Variants in RBFOX1 observed in about 807,000 individuals in gnomAD.
RBFOX1 encodes RNA binding fox-1 homolog 1.
A neutral mutation model predicts 57.7 loss-of-function variants in RBFOX1; 8 were observed. The ratio of observed to expected loss-of-function variants is 0.14; its 90% CI spans 0.08 to 0.25. The LOEUF is 0.25. Ranked by LOEUF, RBFOX1 falls within the 10% of genes least tolerant of loss-of-function variation. RBFOX1 has a pLI of 1.00. For synonymous variants in RBFOX1, 326 were observed against 222.4 expected (o/e 1.47, Z -4.15); for missense variants, 611 against 548.5 (o/e 1.11, Z -1.14).
rs572641044 is a variant in RBFOX1, at chr16:6,345,462, C to G, written c.-64+28405C>G. 1.9e-4 allele frequency among the ~76,000 whole-genome samples: 29 copies of G among 152,260 alleles called. No homozygotes were observed. The East Asian group carries it at 4.8e-3, about 25-fold the overall frequency. ...GGCAGTGGTAAACCGACATGGCAGGCTGGTGTGCATGTCTAATGGAAAGCT... is the reference window on the plus strand; with the variant it reads ...GGCAGTGGTAAACCGACATGGCAGGGTGGTGTGCATGTCTAATGGAAAGCT... On this transcript the variant is annotated intron_variant, in intron 2 of 15. Transcript: ENST00000550418.
At chr16:5,936,049 C>G (rs192250860) in intron 4 of RBFOX1, among the ~76,000 whole-genome samples, 2 of 150,746 alleles carry the variant, frequency 1.3e-5, no homozygotes, top group East Asian at 3.9e-4. Flanking sequence ...TTTTTTATGT[C>G]AAGAGTGGAA....
intron 2 of RBFOX1, among the ~76,000 whole-genome samples, chr16:5,522,916 T>A (rs73514120): frequency 0.061 from 9,318 of 152,270 alleles, 958 homozygotes; most frequent in African/African-American, 0.21. Context: ...TGTATCTATA[T>A]CACATTTTCT....
intron 4 of RBFOX1, among the ~76,000 whole-genome samples, chr16:5,868,791 C>T (rs911145488): frequency 3.9e-5 from 6 of 152,108 alleles, no homozygotes; most frequent in Admixed American, 1.3e-4. Context: ...ATTTTGTTTC[C>T]TCATTTTTGG....
chr16:7,291,692 A>G (rs917205562), intron 4 of RBFOX1, among the ~76,000 whole-genome samples: 2 of 151,952 alleles, frequency 1.3e-5, no homozygotes, highest in Non-Finnish European at 2.9e-5. Context: ...GCACTGAGAC[A>G]TGCAGGAGGC....
chr16:7,491,101 G>T (rs1484651280), intron 4 of RBFOX1, among the ~76,000 whole-genome samples: 10 of 152,004 alleles, frequency 6.6e-5, no homozygotes, highest in Admixed American at 5.9e-4. Context: ...CACAAATCTG[G>T]CTCTTAAATA....
intron 1 of RBFOX1, among the ~76,000 whole-genome samples, chr16:5,448,568 G>C (rs997548783): frequency 2.6e-5 from 4 of 152,156 alleles, no homozygotes; most frequent in African/African-American, 9.7e-5. Flanking sequence ...AGGAGACTGG[G>C]GTGAAGACCC....
chr16:5,804,165 A>G (rs771250334), intron 3 of RBFOX1, among the ~76,000 whole-genome samples: 5 of 152,220 alleles, frequency 3.3e-5, no homozygotes, highest in Admixed American at 1.3e-4. Flanking sequence ...GTCCTTCAAG[A>G]GAAGCATATT....
chr16:6,257,028 G>A (rs1457401138), intron 1 of RBFOX1, among the ~76,000 whole-genome samples: 1 of 152,098 alleles, frequency 6.6e-6, no homozygotes, highest in Non-Finnish European at 1.5e-5. Flanking sequence ...AGAATGACTG[G>A]TTGGAGTATT....
intron 2 of RBFOX1, among the ~76,000 whole-genome samples, chr16:6,631,106 G>T (rs1469705565): frequency 6.6e-6 from 1 of 152,116 alleles, no homozygotes; most frequent in Admixed American, 6.6e-5. Context: ...GCAGAGGGAA[G>T]CAGAAAGAAT....
chr16:6,023,130 G>C (rs933280127), intron 1 of RBFOX1, among the ~76,000 whole-genome samples: 4 of 152,080 alleles, frequency 2.6e-5, no homozygotes, highest in African/African-American at 9.7e-5. Context: ...GCTGTCCGTA[G>C]AACGTACAGT....
At position 6,595,630 on chromosome 16, in the gene RBFOX1, C is replaced by G. The variant is rs901005300; in HGVS notation, c.-63-58973C>G. The stretch of plus-strand genomic sequence containing the variant: ...CTATTTTTAACATTTTGAGGAACTT[C>G]CAAACCGTTTTCCAACGTGGGTACC... On this transcript the variant is annotated intron_variant, in intron 2 of 15. Transcript: ENST00000550418. Among the ~76,000 whole-genome samples, 11 of 152,306 alleles carry G rather than the reference C, an allele frequency of 7.2e-5. 1 individual carries two copies. In the South Asian group the frequency reaches 1.0e-3, roughly 14 times the overall value.
Position 5,599,089 on chromosome 16 carries a change from T to A in RBFOX1, c.446T>A (p.Leu149Ter). ...CCTGAAACTGATCTTGCTGGAGAATTAACTGGGTTTGAGGGGAATAAATTT... is the reference window on the plus strand; with the variant it reads ...CCTGAAACTGATCTTGCTGGAGAATAAACTGGGTTTGAGGGGAATAAATTT... The change falls in exon 3 of 3, where the codon TTA (leucine) becomes TAA (stop). Residue 149 changes from leucine (L) to a stop codon, truncating the protein, a stop_gained. Transcript: ENST00000585867. LOFTEE classifies it low-confidence loss of function (END_TRUNC). The A allele has an allele frequency of 1.1e-6, 1 of 913,788 alleles. No homozygotes were observed. Among genetic ancestry groups the A allele is most frequent in the Non-Finnish European group, 1.7e-6 (1 of 578,372 alleles). The allele number at this position is 913,788 out of a possible 1,614,324, so 56.6% of individuals were successfully genotyped here.
At position 7,615,767 on chromosome 16, in the gene RBFOX1, G is replaced by T. The variant is rs995197270; in HGVS notation, c.676+8429G>T. ...GTGTTGTTCACTGCTGACATCTAGTGGGTGGAGGCCAAGGACGCTTCAAAA... is the reference window on the plus strand; with the variant it reads ...GTGTTGTTCACTGCTGACATCTAGTTGGTGGAGGCCAAGGACGCTTCAAAA... On this transcript the variant is annotated intron_variant, in intron 10 of 15. Transcript: ENST00000550418. Among the ~76,000 whole-genome samples, 9 of 152,230 alleles carry T rather than the reference G, an allele frequency of 5.9e-5. No individual in the cohort carries two copies. In the East Asian group the frequency reaches 1.7e-3, roughly 29 times the overall value.
intron 1 of RBFOX1, among the ~76,000 whole-genome samples, chr16:6,110,636 C>T (rs183080731): frequency 6.6e-6 from 1 of 152,298 alleles, no homozygotes; most frequent in East Asian, 1.9e-4. Flanking sequence ...GTGTGAAGGA[C>T]ACTCCACGAG....
intron 4 of RBFOX1, among the ~76,000 whole-genome samples, chr16:7,500,173 C>T (rs895847747): frequency 6.6e-6 from 1 of 152,198 alleles, no homozygotes; most frequent in African/African-American, 2.4e-5. Flanking sequence ...GAAGCACAGA[C>T]TCTCCAGTCT....
At chr16:6,983,124 A>G (rs1225066490) in intron 3 of RBFOX1, among the ~76,000 whole-genome samples, 1 of 151,372 alleles carries the variant, frequency 6.6e-6, no homozygotes, top group Non-Finnish European at 1.5e-5. Flanking sequence ...AGATACCAAA[A>G]CTCTTAGCTG....
At chr16:6,817,320 A>G (rs572535739) in intron 3 of RBFOX1, among the ~76,000 whole-genome samples, 23 of 152,034 alleles carry the variant, frequency 1.5e-4, no homozygotes, top group Non-Finnish European at 2.8e-4. Context: ...CCCCTCTCCC[A>G]TGTACGAGGA....
intron 3 of RBFOX1, among the ~76,000 whole-genome samples, chr16:6,893,228 T>G (rs1054273802): frequency 2.0e-5 from 3 of 152,102 alleles, no homozygotes; most frequent in East Asian, 1.9e-4. Flanking sequence ...GCAGAGACTG[T>G]GGAGGGAACA....
At chr16:6,632,201 T>C (rs1211051751) in intron 2 of RBFOX1, among the ~76,000 whole-genome samples, 2 of 152,160 alleles carry the variant, frequency 1.3e-5, no homozygotes, top group African/African-American at 4.8e-5. Context: ...ATCGGGTTTC[T>C]TTAGAAGGAA....
Sources: gnomAD v4.1 joint callset for allele counts (sites outside exome capture counted in the v4.1 genomes callset) on GRCh38, gnomAD v4.1.1 for gene constraint, MANE v1.5 for transcripts, NCBI Gene and HGNC (gene_info 2026-07-23, HGNC 2026-07-21) for gene names.